EXD2: variants seen among roughly 807,000 people sequenced by gnomAD.
EXD2 encodes the protein exonuclease 3'-5' domain containing 2, also known as exonuclease 3'-5' domain-containing protein 2.
Under a neutral mutation model 62.5 loss-of-function variants are expected in EXD2, and 40 were observed. The observed-to-expected ratio is 0.64, with a 90% confidence interval of 0.50 to 0.83. The LOEUF is 0.83. EXD2 is among the 40% of genes least tolerant of loss of function. EXD2 has a pLI of 0.00. For synonymous variants in EXD2, 239 were observed against 291.9 expected (o/e 0.82, Z 1.85); for missense variants, 671 against 761.8 (o/e 0.88, Z 1.40).
At chr14:69,226,775 T>G in intron 3 of EXD2, among the ~76,000 whole-genome samples, 1 of 15,282 alleles carries the variant, frequency 6.5e-5, no homozygotes, top group East Asian at 0.056. Flanking sequence ...CCCTCCCAGT[T>G]TTTTTTTTTT....
chr14:69,216,219 T>C (rs924937906), intron 3 of EXD2, among the ~76,000 whole-genome samples: 3 of 152,224 alleles, frequency 2.0e-5, no homozygotes, highest in Admixed American at 1.3e-4. Flanking sequence ...AAACCTTTCC[T>C]GATTGCTCTG....
chr14:69,236,290 C>T, intron 7 of EXD2, 117 bp from the exon 8 acceptor site: 2 of 1,568,896 alleles, frequency 1.3e-6, no homozygotes, highest in South Asian at 1.1e-5. Flanking sequence ...GTAGGCACAA[C>T]CCAGAAATCA....
Position 69,241,372 on chromosome 14 carries a change from G to A in EXD2, c.*272G>A. Reference sequence around the variant, plus strand: ...CCTTTATTTTTACTCTCCCTCTTCTGCTGTCCCTGTGCAGAGGAAAAATGA... The same window carrying A: ...CCTTTATTTTTACTCTCCCTCTTCTACTGTCCCTGTGCAGAGGAAAAATGA... On this transcript the variant is annotated 3_prime_UTR_variant, in exon 10 of 10. Coordinates refer to ENST00000685843, the MANE Select transcript of EXD2 (RefSeq NM_001193360.2). 2 of 417,578 alleles carry A rather than the reference G, an allele frequency of 4.8e-6. No individual in the cohort carries two copies. Among genetic ancestry groups the A allele is most frequent in the Non-Finnish European group, 8.6e-6 (2 of 232,594 alleles). 25.9% of individuals were successfully genotyped at this position (417,578 alleles called of 1,614,324 possible).
intron 1 of EXD2, among the ~76,000 whole-genome samples, chr14:69,201,672 G>GTTTTTTGTTTTTT (rs2042402768): frequency 3.4e-5 from 2 of 58,992 alleles, no homozygotes; most frequent in African/African-American, 1.4e-4. Context: ...TGTTTTCTCT[G>GTTTTTTGTTTTTT]TTTTTTTTTT....
chr14:69,201,314 G>A (rs896707301), intron 1 of EXD2, among the ~76,000 whole-genome samples: 2 of 151,720 alleles, frequency 1.3e-5, no homozygotes, highest in Non-Finnish European at 2.9e-5. Flanking sequence ...TCAGCCTCCT[G>A]AGTAACTGGG....
In EXD2 at chr14:69,241,678, A is replaced by G. The variant is rs2140062545; in HGVS notation, c.*578A>G. ...TGGGTCACTTCAGTCTACTTCACGT[A>G]CTTGAAAAGGCTTTCCTTTACACTT... On this transcript the variant is annotated 3_prime_UTR_variant, in exon 10 of 10. Transcript: ENST00000685843. The G allele has an allele frequency of 5.1e-6, 2 of 395,376 alleles. No individual in the cohort carries two copies. The highest frequency in any genetic ancestry group is 8.9e-6 in the Non-Finnish European group (2 of 224,384). 24.5% of individuals were successfully genotyped at this position (395,376 alleles called of 1,614,324 possible).
At chr14:69,221,334 A>C (rs2043177328) in intron 3 of EXD2, among the ~76,000 whole-genome samples, 1 of 152,216 alleles carries the variant, frequency 6.6e-6, no homozygotes, top group African/African-American at 2.4e-5. Context: ...TTCTCCTTTA[A>C]GGGAAGTTTT....
intron 3 of EXD2, among the ~76,000 whole-genome samples, chr14:69,221,689 G>A (rs2140280145): frequency 6.6e-6 from 1 of 151,948 alleles, no homozygotes; most frequent in Non-Finnish European, 1.5e-5. Context: ...GATGGCTTGG[G>A]CCCAGGAGTT....
At chr14:69,235,812 A>G in intron 6 of EXD2, 1 of 524,018 alleles carries the variant, frequency 1.9e-6, no homozygotes. Context: ...CTAATGTCCT[A>G]GTCCATAAGT....
chr14:69,213,875 G>T (rs1687871970), intron 3 of EXD2: 2 of 151,694 alleles, frequency 1.3e-5, no homozygotes, highest in South Asian at 4.2e-4. Flanking sequence ...GTGTTAGCCA[G>T]GGTGGTCTCG....
chr14:69,196,622 CTT>C (rs3045582), intron 1 of EXD2, among the ~76,000 whole-genome samples: 40,539 of 136,676 alleles, frequency 0.3, 7,357 homozygotes, highest in East Asian at 0.91. Flanking sequence ...ATTGCCAGCA[CTT>C]TTTTTTTTTT....
intron 5 of EXD2, among the ~76,000 whole-genome samples, chr14:69,232,228 G>A (rs1469045133): frequency 2.0e-5 from 3 of 152,158 alleles, no homozygotes; most frequent in Non-Finnish European, 4.4e-5. Flanking sequence ...AGGGATAGTT[G>A]TCTGGCCCTG....
intron 3 of EXD2, among the ~76,000 whole-genome samples, chr14:69,223,048 T>C (rs2043237963): frequency 6.6e-6 from 1 of 152,212 alleles, no homozygotes; most frequent in Non-Finnish European, 1.5e-5. Flanking sequence ...TGAACTCTAC[T>C]AATTTAAAAA....
chr14:69,236,369 AG>A (rs1444991922), intron 7 of EXD2, 37 bp from the exon 8 acceptor site: 1 of 1,613,690 alleles, frequency 6.2e-7, no homozygotes. Flanking sequence ...TGGTGGGGGC[AG>A]GGGGAGCAGT....
intron 6 of EXD2, 72 bp from the exon 7 acceptor site, chr14:69,235,974 C>T: frequency 9.4e-7 from 1 of 1,066,706 alleles, no homozygotes; most frequent in South Asian, 1.3e-5. Context: ...CAGAAGAGAG[C>T]ATGGGAAGGC....
chr14:69,233,533 A>G (rs1022854517), intron 5 of EXD2, among the ~76,000 whole-genome samples: 2 of 151,206 alleles, frequency 1.3e-5, no homozygotes, highest in Admixed American at 6.6e-5. Context: ...TTCAAGCCCC[A>G]GGTTCAAGCG....
At chr14:69,237,069 G>A (rs974391815) in intron 8 of EXD2, among the ~76,000 whole-genome samples, 7 of 152,246 alleles carry the variant, frequency 4.6e-5, no homozygotes, top group Non-Finnish European at 4.4e-5. Context: ...CCCCTGCAAA[G>A]TGAGACAAAG....
At chr14:69,230,444 G>A in intron 4 of EXD2, 28 bp from the exon 5 acceptor site, 3 of 1,540,460 alleles carry the variant, frequency 1.9e-6, no homozygotes, top group Non-Finnish European at 2.6e-6. Context: ...GCCCGTTTTT[G>A]ATGCATGGTT....
chr14:69,211,018 T>C (rs1011912442), intron 3 of EXD2, among the ~76,000 whole-genome samples: 4 of 152,088 alleles, frequency 2.6e-5, no homozygotes, highest in African/African-American at 7.2e-5. Flanking sequence ...TTGCTGAAGG[T>C]TGGAGTTCCT....
Sources: gnomAD v4.1 joint callset for allele counts (sites outside exome capture counted in the v4.1 genomes callset) on GRCh38, gnomAD v4.1.1 for gene constraint, MANE v1.5 for transcripts, NCBI Gene and HGNC (gene_info 2026-07-23, HGNC 2026-07-21) for gene names.